PPP1R12B: variants seen among roughly 807,000 people sequenced by gnomAD.
The protein encoded by PPP1R12B is protein phosphatase 1 regulatory subunit 12B.
In PPP1R12B, 76 loss-of-function variants were observed where a neutral mutation model predicts 126.1. The ratio of observed to expected loss-of-function variants is 0.60; its 90% CI spans 0.50 to 0.73. The LOEUF (loss-of-function observed/expected upper bound fraction) is 0.73, where lower values mean the gene tolerates loss of function less well. Ranked by LOEUF, PPP1R12B falls within the 30% of genes least tolerant of loss-of-function variation. The pLI is 0.00. For missense variants in PPP1R12B, 1,052 were observed against 1,205.1 expected, an observed-to-expected ratio of 0.87 and a Z score of 1.88; for synonymous variants, 356 against 434.7, an observed-to-expected ratio of 0.82 and a Z score of 2.25.
At chr1:202,542,317 T>A (rs1314808191) in intron 18 of PPP1R12B, among the ~76,000 whole-genome samples, 1 of 152,208 alleles carries the variant, frequency 6.6e-6, no homozygotes, top group African/African-American at 2.4e-5. Flanking sequence ...TCAGCCACCC[T>A]GAAAGGTGGG....
At chr1:202,404,277 T>C (rs186007678) in intron 1 of PPP1R12B, among the ~76,000 whole-genome samples, 71 of 152,234 alleles carry the variant, frequency 4.7e-4, no homozygotes, top group African/African-American at 1.7e-3. Context: ...TTTCTCAGTA[T>C]GGCAAATGAA....
At chr1:202,489,678 A>C (rs1227667001) in intron 14 of PPP1R12B, among the ~76,000 whole-genome samples, 2 of 152,192 alleles carry the variant, frequency 1.3e-5, no homozygotes, top group East Asian at 3.8e-4. Flanking sequence ...GACAGAAATT[A>C]GATTAGTGCC....
At chr1:202,426,764 G>C (rs532829116) in intron 4 of PPP1R12B, among the ~76,000 whole-genome samples, 1 of 152,242 alleles carries the variant, frequency 6.6e-6, no homozygotes, top group South Asian at 2.1e-4. Context: ...TTAATCTTAG[G>C]TACATACGTT....
chr1:202,571,717 A>G (rs536017088), intron 23 of PPP1R12B, among the ~76,000 whole-genome samples: 7 of 152,298 alleles, frequency 4.6e-5, no homozygotes, highest in Admixed American at 2.6e-4. Context: ...CGGCCTCCCA[A>G]AGTGCTGTGA....
In PPP1R12B at chr1:202,438,044, G is replaced by A. The variant is rs1671060858; in HGVS notation, c.1458+20G>A. 1.2e-6 allele frequency: 2 copies of A among 1,611,528 alleles called. No homozygotes were observed. The highest frequency in any genetic ancestry group is 1.7e-6 in the Non-Finnish European group (2 of 1,179,336). ...GATAAGGTGCAGTTTGGGAGGGTAT[G>A]GGGGAATTCCAAGGCAGTTTTTTTT... is the stretch of plus-strand genomic sequence containing the variant. On this transcript the variant is annotated intron_variant, in intron 10 of 23. Coordinates refer to ENST00000608999, the MANE Select transcript of PPP1R12B (RefSeq NM_002481.4).
chr1:202,432,526 C>A (rs1167230669), intron 8 of PPP1R12B, among the ~76,000 whole-genome samples: 1 of 152,120 alleles, frequency 6.6e-6, no homozygotes, highest in African/African-American at 2.4e-5. Context: ...CTTGGCCTCC[C>A]TAAGTGCTAG....
rs531197620 is a variant in PPP1R12B, at chr1:202,549,404, G to A, written c.2491-9473G>A. ...GTACTAGATGGTCTAACATTTGATT[G>A]CATTTAATCAATTACCTTTTTTTTT... On this transcript the variant is annotated intron_variant, in intron 18 of 23. Transcript: ENST00000608999. Among the ~76,000 whole-genome samples the A allele has an allele frequency of 8.0e-5, 12 of 150,742 alleles. No homozygotes were observed. In the East Asian group the frequency reaches 1.8e-3, roughly 22 times the overall value.
chr1:202,483,980 AC>A (rs1677746027), intron 13 of PPP1R12B, among the ~76,000 whole-genome samples: 2 of 151,602 alleles, frequency 1.3e-5, no homozygotes, highest in South Asian at 4.2e-4. Context: ...CCCTCCCTTT[AC>A]TTTTATTCTA....
intron 5 of PPP1R12B, 126 bp downstream of exon 5, chr1:202,427,310 T>C: frequency 7.4e-7 from 1 of 1,344,292 alleles, no homozygotes; most frequent in Non-Finnish European, 1.0e-6. Flanking sequence ...GTAGCTATAA[T>C]GTTACCCTCC....
At chr1:202,388,287 G>A (rs1397390132) in intron 1 of PPP1R12B, among the ~76,000 whole-genome samples, 1 of 152,128 alleles carries the variant, frequency 6.6e-6, no homozygotes, top group Non-Finnish European at 1.5e-5. Flanking sequence ...GAGTTCAAGC[G>A]ATTCTTCTGC....
chr1:202,479,892 C>A (rs939193860), intron 13 of PPP1R12B, among the ~76,000 whole-genome samples: 4 of 152,194 alleles, frequency 2.6e-5, no homozygotes, highest in African/African-American at 9.7e-5. Flanking sequence ...AGTTTAAGAA[C>A]CACTTCCTTA....
At chr1:202,382,782 A>C (rs1293990648) in intron 1 of PPP1R12B, among the ~76,000 whole-genome samples, 1 of 151,900 alleles carries the variant, frequency 6.6e-6, no homozygotes, top group Non-Finnish European at 1.5e-5. Context: ...AGGCTGAGGC[A>C]GGAGAATATC....
chr1:202,421,294 T>G (rs921522333), intron 2 of PPP1R12B, among the ~76,000 whole-genome samples: 7 of 150,534 alleles, frequency 4.7e-5, no homozygotes, highest in African/African-American at 1.7e-4. Context: ...CCATATATTA[T>G]CTCTCTCTTT....
At chr1:202,442,600 GTTTC>G in intron 12 of PPP1R12B, 28 bp downstream of exon 12, 1 of 1,592,070 alleles carries the variant, frequency 6.3e-7, no homozygotes, top group Non-Finnish European at 8.6e-7. Flanking sequence ...GGTGGGAGAT[GTTTC>G]TTTCACTCTA....
chr1:202,468,626 G>A lies in PPP1R12B; in HGVS notation c.1850+19455G>A, dbSNP rs142441046. 2.6e-5 allele frequency among the ~76,000 whole-genome samples: 4 copies of A among 152,284 alleles called. No homozygotes were observed. The East Asian group carries it at 7.7e-4, about 29-fold the overall frequency. On this transcript the variant is annotated intron_variant, in intron 13 of 23. Transcript: ENST00000608999. ...ATGTCCAGCTCCCTTACAAGATCTT[G>A]CTTCAGAACAGAGCATTTGGAATAG...
At chr1:202,536,389 A>T (rs1238238472) in intron 18 of PPP1R12B, among the ~76,000 whole-genome samples, 1 of 152,234 alleles carries the variant, frequency 6.6e-6, no homozygotes. Flanking sequence ...GTCTAAACAT[A>T]GAAAAGGTAT....
intron 12 of PPP1R12B, among the ~76,000 whole-genome samples, chr1:202,446,723 G>A (rs1672340420): frequency 6.6e-6 from 1 of 151,468 alleles, no homozygotes; most frequent in Non-Finnish European, 1.5e-5. Context: ...CTGGGATTTA[G>A]TTTGCTCATA....
chr1:202,590,671 A>G lies in PPP1R12B; in HGVS notation c.*10111A>G, dbSNP rs1277272450. 1 of 151,644 alleles carries G rather than the reference A, an allele frequency of 6.6e-6. No homozygotes were observed. Among genetic ancestry groups the G allele is most frequent in the Non-Finnish European group, 1.5e-5 (1 of 68,004 alleles). 9.4% of individuals were successfully genotyped at this position (151,644 alleles called of 1,614,324 possible). On this transcript the variant is annotated 3_prime_UTR_variant, in exon 24 of 24. Coordinates refer to ENST00000608999, the MANE Select transcript of PPP1R12B (RefSeq NM_002481.4). ...ACAATTTGACAAGAGATCAGACAAGAACAAGAGTCCACATAAGGGAGATGG... is the reference window on the plus strand; with the variant it reads ...ACAATTTGACAAGAGATCAGACAAGGACAAGAGTCCACATAAGGGAGATGG...
intron 1 of PPP1R12B, among the ~76,000 whole-genome samples, chr1:202,363,854 G>A (rs1658664620): frequency 6.6e-6 from 1 of 152,112 alleles, no homozygotes; most frequent in Admixed American, 6.6e-5. Flanking sequence ...CTCTGCCTTA[G>A]GGTTCAAGTG....
Sources: allele counts gnomAD v4.1 joint callset (sites outside exome capture counted in the v4.1 genomes callset), GRCh38; gene constraint gnomAD v4.1.1; transcripts MANE v1.5; gene names NCBI Gene and HGNC (gene_info 2026-07-23, HGNC 2026-07-21).